Variants in HNRNPH3 observed in about 807,000 individuals in gnomAD.
HNRNPH3 encodes the protein heterogeneous nuclear ribonucleoprotein 2H9.
A neutral mutation model predicts 47.0 loss-of-function variants in HNRNPH3; 7 were observed. The ratio of observed to expected loss-of-function variants is 0.15; its 90% CI spans 0.08 to 0.28. HNRNPH3 has a LOEUF of 0.28. Ranked by LOEUF, HNRNPH3 falls within the 10% of genes least tolerant of loss-of-function variation. The pLI is 1.00. For synonymous variants in HNRNPH3, 120 were observed against 143.2 expected, an observed-to-expected ratio of 0.84 and a Z score of 1.16; for missense variants, 279 against 449.6, an observed-to-expected ratio of 0.62 and a Z score of 3.43.
At chr10:68,341,902 T>A in intron 9 of HNRNPH3, 51 bp downstream of exon 9, 1 of 1,593,706 alleles carries the variant, frequency 6.3e-7, no homozygotes, top group Non-Finnish European at 8.6e-7. Flanking sequence ...AGTGCAAACT[T>A]TAAAGTGCAG....
chr10:68,341,335 C>A, intron 7 of HNRNPH3, 26 bp downstream of exon 7: 1 of 1,583,988 alleles, frequency 6.3e-7, no homozygotes, highest in Non-Finnish European at 8.5e-7. Context: ...GGCACACAAT[C>A]TTATTTCCTA....
chr10:68,338,783 T>C, intron 4 of HNRNPH3, 96 bp downstream of exon 4: 1 of 1,016,256 alleles, frequency 9.8e-7, no homozygotes, highest in Non-Finnish European at 1.4e-6. Flanking sequence ...TTTCAGTACC[T>C]ATTAGGTTTT....
At chr10:68,340,946 C>T (rs549797701) in intron 6 of HNRNPH3, among the ~76,000 whole-genome samples, 7 of 152,212 alleles carry the variant, frequency 4.6e-5, no homozygotes, top group African/African-American at 1.2e-4. Flanking sequence ...GGATTACAGG[C>T]GTGAGCCACT....
At chr10:68,335,235 CTTTTT>C (rs72408822) in intron 1 of HNRNPH3, among the ~76,000 whole-genome samples, 4 of 136,762 alleles carry the variant, frequency 2.9e-5, no homozygotes, top group Non-Finnish European at 6.4e-5. Flanking sequence ...TTTTTCTTTT[CTTTTT>C]TTTTTTTTTT....
At chr10:68,338,375 G>T (rs909226813) in intron 3 of HNRNPH3, 128 bp from the exon 4 acceptor site, 8 of 516,576 alleles carry the variant, frequency 1.5e-5, no homozygotes, top group Admixed American at 1.4e-4. Context: ...GTTAACTTAC[G>T]GTGTATTTAG....
At position 68,337,673 on chromosome 10, in the gene HNRNPH3, A is replaced by G; in HGVS notation, c.113-185A>G. 1.8e-6 allele frequency: 1 copy of G among 563,630 alleles called. No homozygotes were observed. The highest frequency in any genetic ancestry group is 3.4e-5 in the Admixed American group (1 of 29,608). 34.9% of individuals were successfully genotyped at this position (563,630 alleles called of 1,614,324 possible). ...ACACAGTGTTTTTACACTGGTCGCA[A>G]AAAATTTATTTAATCCAGTAATATT... On this transcript the variant is annotated intron_variant, in intron 2 of 9. Coordinates refer to ENST00000265866, the MANE Select transcript of HNRNPH3 (RefSeq NM_012207.3). The surrounding 1 kb of genome is among the most constrained non-coding windows in gnomAD (Gnocchi z 4.5).
intron 6 of HNRNPH3, 174 bp from the exon 7 acceptor site, chr10:68,341,000 C>A: frequency 2.0e-6 from 1 of 502,216 alleles, no homozygotes; most frequent in East Asian, 3.5e-5. Flanking sequence ...AAATTCTTTA[C>A]ATTATCCCTA....
chr10:68,339,317 A>G, intron 5 of HNRNPH3, 91 bp downstream of exon 5: 1 of 1,566,184 alleles, frequency 6.4e-7, no homozygotes, highest in Non-Finnish European at 8.7e-7. Flanking sequence ...AACTTGTATA[A>G]AGTTAATTCA....
intron 1 of HNRNPH3, chr10:68,332,824 C>T (rs1187029021): frequency 6.6e-6 from 1 of 152,372 alleles, no homozygotes; most frequent in Non-Finnish European, 1.5e-5. Flanking sequence ...ACGCAGATTC[C>T]CAAGATGAGA....
At chr10:68,341,127 T>C in intron 6 of HNRNPH3, 47 bp from the exon 7 acceptor site, 1 of 1,368,618 alleles carries the variant, frequency 7.3e-7, no homozygotes, top group Non-Finnish European at 1.0e-6. Flanking sequence ...GGTAATTTAC[T>C]TTAATATTCT....
rs573885580 is a variant in HNRNPH3 at position 68,333,753 on chromosome 10, A to T, written c.-24+1537A>T. Among the ~76,000 whole-genome samples, 3 of 152,328 alleles carry T rather than the reference A, an allele frequency of 2.0e-5. No homozygotes were observed. The South Asian group carries it at 6.2e-4, about 32-fold the overall frequency. On this transcript the variant is annotated intron_variant, in intron 1 of 9. Transcript: ENST00000265866. The stretch of plus-strand genomic sequence containing the variant: ...AGTAAGAATTTCTGATAATTCATGT[A>T]AAACTTTATAAGAATATTGTTACCT...
intron 1 of HNRNPH3, among the ~76,000 whole-genome samples, chr10:68,336,478 C>T (rs1344911996): frequency 2.0e-5 from 3 of 152,122 alleles, no homozygotes; most frequent in Admixed American, 6.6e-5. Flanking sequence ...TTTGAGTAAA[C>T]TGGTTTCTAA....
chr10:68,337,949 G>A lies in HNRNPH3; in HGVS notation c.204G>A (p.Glu68=). ...GEAFVQFASK[E]IAENALGKHK... ...CCTTCGTGCAGTTTGCTTCAAAGGA[G>A]ATAGCAGAAAATGCTCTGGGGAAAC... The change falls in exon 3 of 10, where the codon GAG becomes GAA. Residue 68 remains glutamate (E), a synonymous_variant. Coordinates refer to ENST00000265866, the MANE Select transcript of HNRNPH3 (RefSeq NM_012207.3). The surrounding 1 kb of genome is among the most constrained non-coding windows in gnomAD (Gnocchi z 4.5). 6.2e-7 allele frequency: 1 copy of A among 1,613,574 alleles called. No homozygotes were observed. Among genetic ancestry groups the A allele is most frequent in the Non-Finnish European group, 8.5e-7 (1 of 1,179,564 alleles).
chr10:68,333,961 AATTGG>A (rs745946984), intron 1 of HNRNPH3, among the ~76,000 whole-genome samples: 24 of 152,188 alleles, frequency 1.6e-4, no homozygotes, highest in Non-Finnish European at 2.8e-4. Context: ...TAGCTTTACT[AATTGG>A]ATTGGACTAC....
intron 6 of HNRNPH3, 161 bp from the exon 7 acceptor site, chr10:68,341,013 T>C (rs1211218804): frequency 1.8e-6 from 1 of 554,774 alleles, no homozygotes; most frequent in Admixed American, 3.8e-5. Flanking sequence ...TATCCCTAAG[T>C]GTATACTCTG....
At chr10:68,336,333 A>AT in intron 1 of HNRNPH3, among the ~76,000 whole-genome samples, 1 of 152,134 alleles carries the variant, frequency 6.6e-6, no homozygotes, top group East Asian at 1.9e-4. Flanking sequence ...AAAAGGAAGG[A>AT]TGGTTGCCTC....
Position 68,342,528 on chromosome 10 carries a change from C to A in HNRNPH3, c.*474C>A. 1 of 152,800 alleles carries A rather than the reference C, an allele frequency of 6.5e-6. No individual in the cohort carries two copies. 9.5% of individuals were successfully genotyped at this position (152,800 alleles called of 1,614,324 possible). On this transcript the variant is annotated 3_prime_UTR_variant, in exon 10 of 10. Transcript: ENST00000265866. ...AATATAAAGCCTAAAGATGAAGTGG[C>A]TTCAGGAGTATAAATTCAGCTAATT...
rs768528346 is a variant in HNRNPH3, at chr10:68,338,008, G to A, written c.251+12G>A. The A allele has an allele frequency of 6.9e-6, 11 of 1,595,120 alleles. No individual in the cohort carries two copies. Among genetic ancestry groups the A allele is most frequent in the African/African-American group, 1.3e-5 (1 of 74,786 alleles). On this transcript the variant is annotated intron_variant, in intron 3 of 9. Coordinates refer to ENST00000265866, the MANE Select transcript of HNRNPH3 (RefSeq NM_012207.3). Reference sequence around the variant, plus strand: ...AGAATAGGGCACAGGTGGGGATGGAGAGTTTGGGATGGTGTTAAATTTTTA... The same window carrying A: ...AGAATAGGGCACAGGTGGGGATGGAAAGTTTGGGATGGTGTTAAATTTTTA...
rs777854909 is a variant in HNRNPH3 at position 68,337,773 on chromosome 10, T to G, written c.113-85T>G. On this transcript the variant is annotated intron_variant, in intron 2 of 9. Transcript: ENST00000265866. This position sits in a 1 kb window ranked among gnomAD's most constrained non-coding sequence, Gnocchi z 4.5. ...TTGTTTTGTTTTGTTTTGTTTAGAC[T>G]TGTTTTAAATATTTGATTCAGATGG... 3 of 1,234,252 alleles carry G rather than the reference T, an allele frequency of 2.4e-6. No individual in the cohort carries two copies. The highest frequency in any genetic ancestry group is 3.4e-6 in the Non-Finnish European group (3 of 880,084). The allele number at this position is 1,234,252 out of a possible 1,614,324, so 76.5% of individuals were successfully genotyped here. A position where few individuals can be genotyped will look rare whatever the true frequency, so the allele number is the denominator to read the frequency against.
Sources: gnomAD v4.1 joint callset for allele counts (sites outside exome capture counted in the v4.1 genomes callset) on GRCh38, gnomAD v4.1.1 for gene constraint, Gnocchi (gnomAD v3.1) non-coding constraint, MANE v1.5 for transcripts, NCBI Gene and HGNC (gene_info 2026-07-23, HGNC 2026-07-21) for gene names.